The following WDFY2 variants were observed in gnomAD, a reference collection of about 807,000 sequenced individuals.
The protein encoded by WDFY2 is WD repeat and FYVE domain-containing protein 2.
In WDFY2, 36 loss-of-function variants were observed where a neutral mutation model predicts 56.4. The ratio of observed to expected loss-of-function variants is 0.64; its 90% CI spans 0.49 to 0.84. The LOEUF (loss-of-function observed/expected upper bound fraction) is 0.84, where lower values mean the gene tolerates loss of function less well. WDFY2 is among the 40% of genes least tolerant of loss of function. The pLI is 0.00. For synonymous variants in WDFY2, 176 were observed against 183.7 expected (o/e 0.96, Z 0.34); for missense variants, 444 against 512.2 (o/e 0.87, Z 1.29).
chr13:51,674,442 A>G (rs1955853810), intron 2 of WDFY2, among the ~76,000 whole-genome samples: 1 of 152,174 alleles, frequency 6.6e-6, no homozygotes, highest in African/African-American at 2.4e-5. Flanking sequence ...TTCCAAGCAT[A>G]CTTAATTTGC....
intron 2 of WDFY2, among the ~76,000 whole-genome samples, chr13:51,673,654 A>G (rs906767830): frequency 2.0e-5 from 3 of 152,154 alleles, no homozygotes; most frequent in Non-Finnish European, 4.4e-5. Flanking sequence ...CTAATTCTGC[A>G]CACATGTTAT....
rs747157970 is a variant in WDFY2 at position 51,764,564 on chromosome 13, G to A, written c.*4795G>A. 3 of 152,510 alleles carry A rather than the reference G, an allele frequency of 2.0e-5. No individual in the cohort carries two copies. The highest frequency in any genetic ancestry group is 4.4e-5 in the Non-Finnish European group (3 of 68,062). 9.4% of individuals were successfully genotyped at this position (152,510 alleles called of 1,614,324 possible). ...CAGCTGCCATCCCAGAATTGAGCTC[G>A]TCACTATCAGATGCTGCTGCTCCCT... On this transcript the variant is annotated 3_prime_UTR_variant, in exon 12 of 12. Transcript: ENST00000298125.
intron 5 of WDFY2, among the ~76,000 whole-genome samples, chr13:51,726,966 C>G (rs1451764825): frequency 6.6e-6 from 1 of 152,136 alleles, no homozygotes; most frequent in Non-Finnish European, 1.5e-5. Flanking sequence ...TGAGTCATAG[C>G]TTTTCCCACT....
At chr13:51,676,362 G>T (rs536079639) in intron 3 of WDFY2, among the ~76,000 whole-genome samples, 1 of 152,150 alleles carries the variant, frequency 6.6e-6, no homozygotes, top group Non-Finnish European at 1.5e-5. Context: ...CTGGCCCCCC[G>T]TGTCACCACA....
chr13:51,618,425 G>A (rs896670064), intron 1 of WDFY2, among the ~76,000 whole-genome samples: 1 of 152,198 alleles, frequency 6.6e-6, no homozygotes, highest in African/African-American at 2.4e-5. Flanking sequence ...ATCTTGTTCT[G>A]TGTATCCACA....
At chr13:51,757,553 C>T (rs896816944) in intron 10 of WDFY2, among the ~76,000 whole-genome samples, 6 of 151,642 alleles carry the variant, frequency 4.0e-5, no homozygotes, top group South Asian at 2.1e-4. Flanking sequence ...CACCTTTTCC[C>T]GCCTCTGTTT....
chr13:51,753,580 C>T (rs1828652176), intron 8 of WDFY2, among the ~76,000 whole-genome samples: 1 of 152,212 alleles, frequency 6.6e-6, no homozygotes, highest in Non-Finnish European at 1.5e-5. Flanking sequence ...ACATTTTTCT[C>T]TACACATAAC....
intron 1 of WDFY2, among the ~76,000 whole-genome samples, chr13:51,594,642 G>A (rs943257450): frequency 6.6e-6 from 1 of 152,180 alleles, no homozygotes; most frequent in Non-Finnish European, 1.5e-5. Context: ...TGCAATGATA[G>A]CCCTAATCTC....
At chr13:51,658,947 G>A (rs1041577487) in intron 1 of WDFY2, among the ~76,000 whole-genome samples, 1 of 151,828 alleles carries the variant, frequency 6.6e-6, no homozygotes, top group African/African-American at 2.4e-5. Context: ...CTGTTTTTGA[G>A]ACAGAGTCTT....
chr13:51,625,190 G>C (rs556850641), intron 1 of WDFY2, among the ~76,000 whole-genome samples: 1 of 152,218 alleles, frequency 6.6e-6, no homozygotes, highest in Non-Finnish European at 1.5e-5. Flanking sequence ...ATGGTGGCCA[G>C]GGTGGTAAGA....
chr13:51,719,168 T>A, intron 4 of WDFY2, 30 bp from the exon 5 acceptor site: 1 of 1,614,052 alleles, frequency 6.2e-7, no homozygotes, highest in Non-Finnish European at 8.5e-7. Context: ...GGATGCTTTA[T>A]AGGTTGTTTT....
intron 3 of WDFY2, among the ~76,000 whole-genome samples, chr13:51,699,552 C>T (rs1019881877): frequency 1.3e-5 from 2 of 152,124 alleles, no homozygotes; most frequent in Non-Finnish European, 1.5e-5. Context: ...ATTCATAAAA[C>T]AAGAAATGAA....
At chr13:51,589,141 A>G (rs975550870) in intron 1 of WDFY2, 3 of 152,232 alleles carry the variant, frequency 2.0e-5, no homozygotes, top group African/African-American at 2.4e-5. Context: ...CAAAGGAGAT[A>G]TGCATTATAT....
intron 7 of WDFY2, among the ~76,000 whole-genome samples, chr13:51,746,528 A>G (rs1359329621): frequency 6.6e-6 from 1 of 152,208 alleles, no homozygotes; most frequent in African/African-American, 2.4e-5. Context: ...ATTCTCACAC[A>G]TGACACTCCA....
At chr13:51,648,469 G>A (rs1384233470) in intron 1 of WDFY2, among the ~76,000 whole-genome samples, 1 of 152,092 alleles carries the variant, frequency 6.6e-6, no homozygotes, top group Non-Finnish European at 1.5e-5. Context: ...TTGACCTTGG[G>A]GCAAATATCA....
chr13:51,716,777 GAAA>G (rs140984251), intron 4 of WDFY2, among the ~76,000 whole-genome samples: 2 of 116,632 alleles, frequency 1.7e-5, no homozygotes, highest in Non-Finnish European at 1.7e-5. Context: ...TATCTCTCAT[GAAA>G]AAAAAAAAAA....
intron 4 of WDFY2, among the ~76,000 whole-genome samples, chr13:51,712,627 A>T (rs1952247694): frequency 6.6e-6 from 1 of 152,046 alleles, no homozygotes; most frequent in Non-Finnish European, 1.5e-5. Context: ...AAAAGGAGAG[A>T]TCAGTAGAAG....
intron 2 of WDFY2, among the ~76,000 whole-genome samples, chr13:51,670,778 A>G (rs1464190847): frequency 3.3e-5 from 5 of 152,030 alleles, no homozygotes; most frequent in Non-Finnish European, 7.4e-5. Flanking sequence ...GCTTGGTTAC[A>G]TGAAAAAGTT....
At chr13:51,694,710 T>C (rs889892613) in intron 3 of WDFY2, among the ~76,000 whole-genome samples, 2 of 152,252 alleles carry the variant, frequency 1.3e-5, no homozygotes, top group African/African-American at 4.8e-5. Flanking sequence ...CTGTATTTCC[T>C]GAGTCTGAAT....
Sources: gnomAD v4.1 joint callset for allele counts (sites outside exome capture counted in the v4.1 genomes callset) on GRCh38, gnomAD v4.1.1 for gene constraint, MANE v1.5 for transcripts, NCBI Gene and HGNC (gene_info 2026-07-23, HGNC 2026-07-21) for gene names.